Variants in TMEM255B observed in about 807,000 individuals in gnomAD.
TMEM255B encodes the protein transmembrane protein 255B.
TMEM255B carries 35 observed loss-of-function variants against 34.5 expected under a neutral mutation model. The ratio of observed to expected loss-of-function variants is 1.01; its 90% CI spans 0.77 to 1.34. The LOEUF is 1.34. TMEM255B is among the 40% of genes most tolerant of loss of function. TMEM255B has a pLI of 0.00. For missense variants in TMEM255B, 432 were observed against 433.2 expected, an observed-to-expected ratio of 1.00 and a Z score of 0.02; for synonymous variants, 206 against 201.2, an observed-to-expected ratio of 1.02 and a Z score of -0.20.
intron 3 of TMEM255B, among the ~76,000 whole-genome samples, chr13:113,779,662 C>G (rs1247917072): frequency 6.6e-6 from 1 of 152,124 alleles, no homozygotes; most frequent in African/African-American, 2.4e-5. Context: ...TGATACATCT[C>G]GTCTTCAGCT....
rs373341613 is a variant in TMEM255B at position 113,762,171 on chromosome 13, CTT to C, written c.46+2858_46+2859del. Among the ~76,000 whole-genome samples, 77 of 151,198 alleles carry C rather than the reference CTT, an allele frequency of 5.1e-4. No individual in the cohort carries two copies. The East Asian group carries it at 0.012, about 23-fold the overall frequency. On this transcript the variant is annotated intron_variant, in intron 1 of 8. Transcript: ENST00000375353. ...TTATCTTTCTCCTAAGTGAAAGCCC[CTT>C]TCTCTTGAAAATCTGACCTTATAAT...
chr13:113,807,010 C>T (rs946254939), intron 8 of TMEM255B, among the ~76,000 whole-genome samples: 11 of 152,296 alleles, frequency 7.2e-5, no homozygotes, highest in African/African-American at 2.2e-4. Context: ...CCCTCAGGGC[C>T]CCAGAGGAGA....
intron 3 of TMEM255B, among the ~76,000 whole-genome samples, chr13:113,784,260 C>A (rs1202000970): frequency 6.6e-6 from 1 of 152,082 alleles, no homozygotes; most frequent in African/African-American, 2.4e-5. Context: ...AGAAGAAAGA[C>A]AGAGACCCAG....
At chr13:113,798,152 T>C (rs574102363) in intron 4 of TMEM255B, among the ~76,000 whole-genome samples, 314 of 151,846 alleles carry the variant, frequency 2.1e-3, no homozygotes, top group Non-Finnish European at 3.0e-3. Context: ...AATGGAAGTA[T>C]GGATGATGGA....
At chr13:113,790,344 A>T in intron 3 of TMEM255B, among the ~76,000 whole-genome samples, 1 of 51,886 alleles carries the variant, frequency 1.9e-5, no homozygotes, top group Non-Finnish European at 4.3e-5. Flanking sequence ...CCGGACACAT[A>T]GACATCCTAG....
chr13:113,771,561 C>T (rs982646837), intron 3 of TMEM255B, among the ~76,000 whole-genome samples: 4 of 152,150 alleles, frequency 2.6e-5, no homozygotes, highest in Non-Finnish European at 5.9e-5. Flanking sequence ...TGCCTATAAT[C>T]CCAGCTACTC....
chr13:113,809,249 G>T (rs530019472), intron 8 of TMEM255B, among the ~76,000 whole-genome samples: 3 of 122,770 alleles, frequency 2.4e-5, no homozygotes, highest in Non-Finnish European at 5.1e-5. Flanking sequence ...GTTCCTGGGG[G>T]TTTACTCTGT....
chr13:113,802,288 C>T (rs1307437006), intron 7 of TMEM255B, among the ~76,000 whole-genome samples: 5 of 152,170 alleles, frequency 3.3e-5, no homozygotes, highest in Non-Finnish European at 5.9e-5. Context: ...CCTGGAAAGG[C>T]CGGCCCTCGC....
chr13:113,811,485 TG>T (rs1204888620), intron 8 of TMEM255B, among the ~76,000 whole-genome samples: 2 of 59,888 alleles, frequency 3.3e-5, no homozygotes, highest in Admixed American at 1.7e-4. Flanking sequence ...CCTGGGTCTG[TG>T]GGGGGCCCGT....
At chr13:113,788,408 G>T (rs1594141038) in intron 3 of TMEM255B, among the ~76,000 whole-genome samples, 1 of 148,404 alleles carries the variant, frequency 6.7e-6, no homozygotes, top group East Asian at 2.0e-4. Flanking sequence ...GGCAGCAGAG[G>T]CTGCATCAGG....
rs569285612 is a variant in TMEM255B, at chr13:113,805,209, C to G, written c.813+181C>G. On this transcript the variant is annotated intron_variant, in intron 8 of 8. Transcript: ENST00000375353. ...GGCACAACCTCCCTGCAAGTATGGC[C>G]GGGGACCGCGCCAGGTGGCCCTGGT... 3.9e-5 allele frequency among the ~76,000 whole-genome samples: 6 copies of G among 152,258 alleles called. No individual in the cohort carries two copies. In the East Asian group the frequency reaches 1.2e-3, roughly 30 times the overall value.
chr13:113,763,706 GT>G (rs1945594807), intron 1 of TMEM255B, among the ~76,000 whole-genome samples: 1 of 152,192 alleles, frequency 6.6e-6, no homozygotes, highest in Non-Finnish European at 1.5e-5. Context: ...CTTTATGAGT[GT>G]TCTACAAAAA....
rs57648467 is a variant in TMEM255B, at chr13:113,811,798, C to A, written c.876C>A (p.Pro292=). The part of the protein sequence containing the change: ...SALASSEDLQ[P]PSPSSSGSGL... Reference sequence around the variant, plus strand: ...TGGCTTCGTCTGAGGACCTGCAGCCCCCTTCTCCAAGCAGCTCTGGCTCTG... The same window carrying A: ...TGGCTTCGTCTGAGGACCTGCAGCCACCTTCTCCAAGCAGCTCTGGCTCTG... Residue 292 remains proline (P), a synonymous_variant, in exon 9 of 9, where the codon CCC becomes CCA. Transcript: ENST00000375353. 116,109 of 1,613,846 alleles carry A rather than the reference C, an allele frequency of 0.072. 5,233 individuals carry two copies. Among genetic ancestry groups the A allele is most frequent in the Admixed American group, 0.18 (10,541 of 60,004 alleles).
Position 113,770,693 on chromosome 13 carries a change from G to C in TMEM255B, c.252+1533G>C, listed in dbSNP as rs2050464206. On this transcript the variant is annotated intron_variant, in intron 3 of 8. Coordinates refer to ENST00000375353, the MANE Select transcript of TMEM255B (RefSeq NM_182614.4). The surrounding 1 kb of genome is among the most constrained non-coding windows in gnomAD (Gnocchi z 4.6). Reference sequence around the variant, plus strand: ...CCCTGTTGTTGGCTCCCGAGGGTGGGCGTCACAGCTGACCAGGGTGGGCAA... The same window carrying C: ...CCCTGTTGTTGGCTCCCGAGGGTGGCCGTCACAGCTGACCAGGGTGGGCAA... 6.6e-6 allele frequency among the ~76,000 whole-genome samples: 1 copy of C among 152,176 alleles called. No homozygotes were observed. Among genetic ancestry groups the C allele is most frequent in the Non-Finnish European group, 1.5e-5 (1 of 68,032 alleles).
chr13:113,801,887 G>A (rs892961834), intron 7 of TMEM255B, 75 bp downstream of exon 7: 4 of 1,454,810 alleles, frequency 2.7e-6, no homozygotes, highest in Non-Finnish European at 3.7e-6. Flanking sequence ...GGGTGGGCTG[G>A]GGGGCCTCCA....
chr13:113,767,496 T>C (rs542243033), intron 2 of TMEM255B, among the ~76,000 whole-genome samples: 5 of 152,376 alleles, frequency 3.3e-5, no homozygotes, highest in African/African-American at 1.2e-4. Context: ...TGGTTGTTTT[T>C]TTTGGTTTGT....
intron 4 of TMEM255B, 66 bp downstream of exon 4, chr13:113,795,303 A>G (rs2050902557): frequency 6.5e-7 from 1 of 1,526,818 alleles, no homozygotes. Flanking sequence ...TGAAAAAAGT[A>G]CAATTTCATT....
At chr13:113,763,129 G>C (rs1281309755) in intron 1 of TMEM255B, among the ~76,000 whole-genome samples, 1 of 152,208 alleles carries the variant, frequency 6.6e-6, no homozygotes, top group Non-Finnish European at 1.5e-5. Flanking sequence ...AGGCTGGTGA[G>C]GGTGACCTGG....
intron 7 of TMEM255B, chr13:113,803,407 A>G (rs1017461144): frequency 1.3e-5 from 2 of 148,180 alleles, no homozygotes; most frequent in African/African-American, 4.9e-5. Flanking sequence ...TTAACATTCC[A>G]AGCTGGACGT....
Sources: gnomAD v4.1 joint callset for allele counts (sites outside exome capture counted in the v4.1 genomes callset) on GRCh38, gnomAD v4.1.1 for gene constraint, Gnocchi (gnomAD v3.1) non-coding constraint, MANE v1.5 for transcripts, NCBI Gene and HGNC (gene_info 2026-07-23, HGNC 2026-07-21) for gene names.